The following PRKG1 variants were observed in gnomAD, a reference collection of about 807,000 sequenced individuals.
PRKG1 encodes protein kinase cGMP-dependent 1.
A neutral mutation model predicts 88.1 loss-of-function variants in PRKG1; 35 were observed. The observed-to-expected ratio is 0.40, with a 90% CI of 0.30 to 0.53. The LOEUF (loss-of-function observed/expected upper bound fraction) is 0.53. PRKG1 is among the 20% of genes least tolerant of loss of function. The probability of loss-of-function intolerance (pLI) is 0.59; values close to 1 mark genes in which losing one functional copy is unlikely to be tolerated. For missense variants in PRKG1, 540 were observed against 839.8 expected, an observed-to-expected ratio of 0.64 and a Z score of 4.41; for synonymous variants, 303 against 292.5, an observed-to-expected ratio of 1.04 and a Z score of -0.37.
intron 2 of PRKG1, among the ~76,000 whole-genome samples, chr10:51,303,937 G>A (rs556821645): frequency 2.6e-5 from 4 of 151,628 alleles, no homozygotes; most frequent in African/African-American, 7.3e-5. Context: ...CTCCTTCCTC[G>A]GCCTCCCAAA....
At chr10:51,756,744 G>A (rs1319400369) in intron 3 of PRKG1, among the ~76,000 whole-genome samples, 1 of 151,978 alleles carries the variant, frequency 6.6e-6, no homozygotes, top group East Asian at 1.9e-4. Context: ...GAACCCGGGA[G>A]GCAGAGCTTG....
chr10:51,613,741 C>T (rs997787769), intron 3 of PRKG1, among the ~76,000 whole-genome samples: 4 of 151,522 alleles, frequency 2.6e-5, no homozygotes, highest in Non-Finnish European at 1.5e-5. Flanking sequence ...TTCATTAACC[C>T]AATGGTCACT....
At chr10:51,242,075 T>A (rs771344441) in intron 2 of PRKG1, among the ~76,000 whole-genome samples, 4 of 151,876 alleles carry the variant, frequency 2.6e-5, no homozygotes, top group Non-Finnish European at 5.9e-5. Context: ...TCAAATAGAA[T>A]AATAGCATGG....
intron 8 of PRKG1, among the ~76,000 whole-genome samples, chr10:52,157,047 T>C (rs987219607): frequency 1.5e-4 from 22 of 151,510 alleles, no homozygotes; most frequent in African/African-American, 5.1e-4. Flanking sequence ...CACTATTAAA[T>C]GTAAAAAAGA....
intron 5 of PRKG1, among the ~76,000 whole-genome samples, chr10:51,965,977 T>C (rs188609389): frequency 3.3e-5 from 5 of 152,230 alleles, no homozygotes; most frequent in African/African-American, 1.2e-4. Flanking sequence ...CTAATATGCA[T>C]TAGAAAGAGA....
At chr10:52,020,598 G>T (rs1216259981) in intron 5 of PRKG1, among the ~76,000 whole-genome samples, 1 of 152,286 alleles carries the variant, frequency 6.6e-6, no homozygotes, top group Middle Eastern at 3.4e-3. Flanking sequence ...GTCAAGAGTG[G>T]TGTTTAACCT....
At chr10:52,068,436 C>A (rs185531933) in intron 7 of PRKG1, among the ~76,000 whole-genome samples, 16 of 152,248 alleles carry the variant, frequency 1.1e-4, no homozygotes, top group Non-Finnish European at 2.1e-4. Context: ...GCTAAGAGAT[C>A]CAGTTCAGAG....
chr10:51,734,308 A>C (rs939987183), intron 3 of PRKG1, among the ~76,000 whole-genome samples: 3 of 152,196 alleles, frequency 2.0e-5, no homozygotes, highest in African/African-American at 7.2e-5. Context: ...TAAGGTTAGA[A>C]GTGAAAACAT....
chr10:51,542,155 T>A (rs990491967), intron 3 of PRKG1, among the ~76,000 whole-genome samples: 9 of 151,862 alleles, frequency 5.9e-5, no homozygotes, highest in African/African-American at 2.2e-4. Context: ...CACAGAGCAT[T>A]TTCCCCACTA....
intron 1 of PRKG1, among the ~76,000 whole-genome samples, chr10:51,011,839 G>A (rs570943847): frequency 6.6e-6 from 1 of 152,334 alleles, no homozygotes; most frequent in East Asian, 1.9e-4. Context: ...TGCTGATAAA[G>A]ACGTATTGGA....
At chr10:51,298,790 G>A (rs545840663) in intron 2 of PRKG1, among the ~76,000 whole-genome samples, 1 of 152,238 alleles carries the variant, frequency 6.6e-6, no homozygotes, top group East Asian at 1.9e-4. Context: ...TGTGTGAGTG[G>A]TAGAATGTGA....
intron 2 of PRKG1, among the ~76,000 whole-genome samples, chr10:51,230,328 G>T (rs1838809591): frequency 6.6e-6 from 1 of 152,142 alleles, no homozygotes; most frequent in Admixed American, 6.5e-5. Flanking sequence ...TGGCACTAAT[G>T]GGTACCTCTG....
At chr10:51,953,155 G>T (rs967472595) in intron 5 of PRKG1, among the ~76,000 whole-genome samples, 1 of 152,178 alleles carries the variant, frequency 6.6e-6, no homozygotes, top group Non-Finnish European at 1.5e-5. Flanking sequence ...AGAAATGATG[G>T]CTGCAGAAAA....
chr10:51,940,068 C>T (rs1842873790), intron 5 of PRKG1, among the ~76,000 whole-genome samples: 1 of 151,910 alleles, frequency 6.6e-6, no homozygotes, highest in Non-Finnish European at 1.5e-5. Context: ...CCACCAGAAA[C>T]TTAAAGAGTC....
rs192708552 is a variant in PRKG1 at position 52,212,591 on chromosome 10, C to A, written c.1077-38979C>A. Among the ~76,000 whole-genome samples, 9 of 149,174 alleles carry A rather than the reference C, an allele frequency of 6.0e-5. No homozygotes were observed. In the East Asian group the frequency reaches 1.6e-3, roughly 27 times the overall value. On this transcript the variant is annotated intron_variant, in intron 9 of 17. Transcript: ENST00000373980. ...CTTTTCTATCTTTTCATCCATATGG[C>A]TGTTGGGGGGAGAGGGGTGGTGTAG...
chr10:51,777,146 C>A (rs1320216017), intron 3 of PRKG1, among the ~76,000 whole-genome samples: 1 of 152,034 alleles, frequency 6.6e-6, no homozygotes, highest in Non-Finnish European at 1.5e-5. Context: ...CTAATTTGTA[C>A]TGTAGTAAGA....
chr10:52,142,693 T>C (rs373997558), intron 8 of PRKG1, among the ~76,000 whole-genome samples: 1 of 152,176 alleles, frequency 6.6e-6, no homozygotes. Flanking sequence ...AAATGACAAT[T>C]TTATCAATTC....
intron 5 of PRKG1, among the ~76,000 whole-genome samples, chr10:52,037,548 C>A (rs2133222916): frequency 6.6e-6 from 1 of 152,264 alleles, no homozygotes; most frequent in Non-Finnish European, 1.5e-5. Context: ...CCAAACAAGT[C>A]ATGAACTGGG....
chr10:51,966,514 C>G (rs1417642791), intron 5 of PRKG1, among the ~76,000 whole-genome samples: 1 of 152,030 alleles, frequency 6.6e-6, no homozygotes, highest in Non-Finnish European at 1.5e-5. Context: ...CATTTTACGT[C>G]AATGCCATTT....
Sources: gnomAD v4.1 joint callset for allele counts (sites outside exome capture counted in the v4.1 genomes callset) on GRCh38, gnomAD v4.1.1 for gene constraint, MANE v1.5 for transcripts, NCBI Gene and HGNC (gene_info 2026-07-23, HGNC 2026-07-21) for gene names.